Variants in CASK observed in about 807,000 individuals in gnomAD.
CASK encodes peripheral plasma membrane protein CASK.
Under a neutral mutation model 82.9 loss-of-function variants are expected in CASK, and 4 were observed. That is an observed-to-expected ratio of 0.05 (90% confidence interval 0.02 to 0.11). The LOEUF (loss-of-function observed/expected upper bound fraction) is 0.11, where lower values mean the gene tolerates loss of function less well. Among genes scored for constraint, CASK ranks in the 10% least tolerant of loss-of-function variants. The probability of loss-of-function intolerance (pLI) is 1.00; values close to 1 mark genes in which losing one functional copy is unlikely to be tolerated. For missense variants in CASK, 358 were observed against 720.9 expected (o/e 0.50, Z 5.76); for synonymous variants, 259 against 253.5 (o/e 1.02, Z -0.20).
At chrX:41,785,376 C>T (rs1209974330) in intron 3 of CASK, among the ~76,000 whole-genome samples, 1 of 112,005 alleles carries the variant, frequency 8.9e-6, no homozygotes, top group Non-Finnish European at 1.9e-5. Context: ...AATTTTCAGG[C>T]TCCTTTCCAT....
intron 5 of CASK, among the ~76,000 whole-genome samples, chrX:41,683,973 A>T (rs1444896989): frequency 8.9e-6 from 1 of 112,115 alleles, no homozygotes; most frequent in Non-Finnish European, 1.9e-5. Flanking sequence ...TGGGTAAAGA[A>T]TCCATGAGTC....
At chrX:41,820,329 T>C (rs12389984) in intron 2 of CASK, among the ~76,000 whole-genome samples, 1,139 of 111,292 alleles carry the variant, frequency 0.01, 14 homozygotes, top group African/African-American at 0.034. Flanking sequence ...TTGCCAAATA[T>C]GAGATCAATA....
intron 5 of CASK, among the ~76,000 whole-genome samples, chrX:41,716,526 A>C (rs775730988): frequency 8.9e-6 from 1 of 112,331 alleles, no homozygotes; most frequent in African/African-American, 3.2e-5. Flanking sequence ...GTACACTGGT[A>C]TAATGATCAC....
intron 3 of CASK, among the ~76,000 whole-genome samples, chrX:41,766,163 A>T (rs141984165): frequency 1.3e-3 from 149 of 112,436 alleles, no homozygotes; most frequent in Non-Finnish European, 1.9e-3. Context: ...CCACAATGAG[A>T]AGAGTTATTT....
intron 5 of CASK, among the ~76,000 whole-genome samples, chrX:41,677,157 G>GAAA (rs200612019): frequency 5.6e-5 from 3 of 53,505 alleles, no homozygotes; most frequent in Admixed American, 2.2e-4. Context: ...ATAGAAAAAT[G>GAAA]AAAAAAAAAA....
chrX:41,818,145 C>CTCTGTGTGTGTG (rs2070449780), intron 2 of CASK, among the ~76,000 whole-genome samples: 1 of 85,422 alleles, frequency 1.2e-5, no homozygotes, highest in African/African-American at 4.5e-5. Context: ...AGGAGGCCTT[C>CTCTGTGTGTGTG]TGTGTGTGTG....
intron 1 of CASK, among the ~76,000 whole-genome samples, chrX:41,890,632 G>C (rs2072147890): frequency 9.0e-6 from 1 of 111,619 alleles, no homozygotes; most frequent in Admixed American, 9.5e-5. Flanking sequence ...GAAAAAGACT[G>C]ATTAGATTTT....
At chrX:41,753,921 T>C (rs1031594829) in intron 3 of CASK, among the ~76,000 whole-genome samples, 1 of 112,192 alleles carries the variant, frequency 8.9e-6, no homozygotes, top group Admixed American at 9.5e-5. Context: ...AAGCAATTAA[T>C]AAATCTAGAA....
intron 12 of CASK, among the ~76,000 whole-genome samples, chrX:41,600,283 T>G (rs938228314): frequency 3.6e-5 from 4 of 112,251 alleles, no homozygotes; most frequent in Non-Finnish European, 7.5e-5. Context: ...ACAAAGGCAG[T>G]CTGGCAGAAG....
intron 13 of CASK, among the ~76,000 whole-genome samples, chrX:41,588,832 A>G (rs1177685560): frequency 9.0e-6 from 1 of 111,383 alleles, no homozygotes; most frequent in Non-Finnish European, 1.9e-5. Flanking sequence ...TGCAGTCATT[A>G]GAAGTTATAT....
intron 3 of CASK, among the ~76,000 whole-genome samples, chrX:41,759,682 T>A (rs1055748014): frequency 9.0e-6 from 1 of 111,648 alleles, no homozygotes; most frequent in Non-Finnish European, 1.9e-5. Flanking sequence ...CACTTAACCT[T>A]TCTGGGTTGA....
chrX:41,517,770 T>TAGCAGCAGCAGCAGCAGCAGC lies in CASK; in HGVS notation c.*2629_*2649dup, dbSNP rs760277976. The TAGCAGCAGCAGCAGCAGCAGC allele has an allele frequency of 2.8e-4, 200 of 708,206 alleles. No individual in the cohort carries two copies. The highest frequency in any genetic ancestry group is 1.4e-3 in the Middle Eastern group (4 of 2,791). 58.4% of individuals were successfully genotyped at this position (708,206 alleles called of 1,213,427 possible). On this transcript the variant is annotated 3_prime_UTR_variant, in exon 27 of 27. Coordinates refer to ENST00000378163, the MANE Select transcript of CASK (RefSeq NM_001367721.1). The stretch of plus-strand genomic sequence containing the variant: ...TTAGTGGACAATTGTAATGTAGCAG[T>TAGCAGCAGCAGCAGCAGCAGC]AGCAGCAGCAGCAGCAGCAGCAGCA...
intron 24 of CASK, among the ~76,000 whole-genome samples, chrX:41,534,401 ACACAC>A (rs1246708428): frequency 2.9e-5 from 3 of 101,742 alleles, no homozygotes; most frequent in African/African-American, 1.2e-4. Context: ...AAACACACAC[ACACAC>A]ACACACACAC....
intron 22 of CASK, among the ~76,000 whole-genome samples, chrX:41,536,453 A>G (rs2064875352): frequency 9.0e-6 from 1 of 110,877 alleles, no homozygotes; most frequent in Non-Finnish European, 1.9e-5. Flanking sequence ...AGAACCTTCT[A>G]CTCCTAGAAA....
In CASK at chrX:41,807,219, A is replaced by AAAC. The variant is rs745347279; in HGVS notation, c.173-19939_173-19937dup. Among the ~76,000 whole-genome samples, 308 of 110,792 alleles carry AAAC rather than the reference A, an allele frequency of 2.8e-3. 2 individuals are homozygous for AAAC. The highest frequency in any genetic ancestry group is 9.0e-3 in the African/African-American group (275 of 30,429). The stretch of plus-strand genomic sequence containing the variant: ...GCTCCCATGGTACCTTATCATTCTC[A>AAAC]AACAACAACAACAACAACAACAAAA... On this transcript the variant is annotated intron_variant, in intron 2 of 26. Coordinates refer to ENST00000378163, the MANE Select transcript of CASK (RefSeq NM_001367721.1).
intron 12 of CASK, among the ~76,000 whole-genome samples, chrX:41,602,651 A>T (rs1169150181): frequency 9.2e-6 from 1 of 108,866 alleles, no homozygotes; most frequent in East Asian, 2.8e-4. Context: ...GGAGTGGACA[A>T]TCCTCATCTT....
At chrX:41,806,705 C>T (rs1368714501) in intron 2 of CASK, among the ~76,000 whole-genome samples, 28 of 112,058 alleles carry the variant, frequency 2.5e-4, no homozygotes. Context: ...TCCAGAGTAT[C>T]TACGACTTAA....
At chrX:41,613,338 C>T (rs1391591168) in intron 11 of CASK, among the ~76,000 whole-genome samples, 4 of 101,540 alleles carry the variant, frequency 3.9e-5, no homozygotes, top group Admixed American at 1.1e-4. Flanking sequence ...TTACCCCCAA[C>T]CCTGTGCTCT....
intron 2 of CASK, among the ~76,000 whole-genome samples, chrX:41,807,506 T>C (rs1490696972): frequency 8.9e-6 from 1 of 111,956 alleles, no homozygotes; most frequent in Non-Finnish European, 1.9e-5. Context: ...AGCTGATTCC[T>C]TAATTGTCCC....
Sources: gnomAD v4.1 joint callset for allele counts (sites outside exome capture counted in the v4.1 genomes callset) on GRCh38, gnomAD v4.1.1 for gene constraint, MANE v1.5 for transcripts, NCBI Gene and HGNC (gene_info 2026-07-23, HGNC 2026-07-21) for gene names.